The following PRR16 variants were observed in gnomAD, a reference collection of about 807,000 sequenced individuals.
PRR16 encodes the protein proline rich 16.
A neutral mutation model predicts 18.2 loss-of-function variants in PRR16; 6 were observed. The observed-to-expected ratio is 0.33, with a 90% confidence interval of 0.18 to 0.65. The LOEUF (loss-of-function observed/expected upper bound fraction) is 0.65. PRR16 is among the 30% of genes least tolerant of loss of function. The probability of loss-of-function intolerance (pLI) is 0.74; values close to 1 mark genes in which losing one functional copy is unlikely to be tolerated. For synonymous variants in PRR16, 151 were observed against 147.8 expected (o/e 1.02, Z -0.16); for missense variants, 412 against 376.6 (o/e 1.09, Z -0.78).
At chr5:120,504,317 G>A (rs1046311521) in intron 1 of PRR16, among the ~76,000 whole-genome samples, 9 of 152,098 alleles carry the variant, frequency 5.9e-5, no homozygotes, top group South Asian at 4.1e-4. Context: ...CAACACACTC[G>A]AATCAGTAGT....
intron 1 of PRR16, among the ~76,000 whole-genome samples, chr5:120,501,699 A>G (rs886406470): frequency 1.3e-5 from 2 of 152,070 alleles, no homozygotes; most frequent in Admixed American, 1.3e-4. Flanking sequence ...AGAAATGGCC[A>G]GTATATCAGC....
chr5:120,616,772 G>C (rs114983743), intron 1 of PRR16, among the ~76,000 whole-genome samples: 1 of 152,256 alleles, frequency 6.6e-6, no homozygotes, highest in East Asian at 1.9e-4. Flanking sequence ...AGCATCCAGT[G>C]ATTTGCTATG....
intron 1 of PRR16, 29 bp from the exon 2 acceptor site, chr5:120,685,925 C>A: frequency 6.3e-7 from 1 of 1,580,204 alleles, no homozygotes; most frequent in South Asian, 1.2e-5. Flanking sequence ...GGTCATTCTT[C>A]AAAACAATTA....
At chr5:120,497,452 G>A (rs1252912557) in intron 1 of PRR16, among the ~76,000 whole-genome samples, 9 of 142,524 alleles carry the variant, frequency 6.3e-5, no homozygotes, top group African/African-American at 1.1e-4. Flanking sequence ...GTGCAATGGC[G>A]TGATCTTGGT....
downstream of PRR16, among the ~76,000 whole-genome samples, chr5:120,690,937 C>T (rs985379259): frequency 2.0e-5 from 3 of 151,884 alleles, no homozygotes; most frequent in East Asian, 1.9e-4. Flanking sequence ...ACGGTTAAAT[C>T]GACATGGGGT....
intron 1 of PRR16, among the ~76,000 whole-genome samples, chr5:120,629,183 T>C (rs1051981182): frequency 7.2e-5 from 11 of 152,196 alleles, no homozygotes; most frequent in Admixed American, 7.2e-4. Context: ...GGCCTCCAGC[T>C]CCATCCTTTG....
the PRR16 span, among the ~76,000 whole-genome samples, chr5:120,780,791 C>T: frequency 6.6e-6 from 1 of 152,184 alleles, no homozygotes; most frequent in Non-Finnish European, 1.5e-5. Flanking sequence ...GGGCTCAAGC[C>T]TGTAATCCCG....
At chr5:120,581,532 G>A (rs1753272750) in intron 1 of PRR16, among the ~76,000 whole-genome samples, 1 of 151,832 alleles carries the variant, frequency 6.6e-6, no homozygotes, top group South Asian at 2.1e-4. Flanking sequence ...ATTCTTCTCT[G>A]ATCTTAGTTA....
At chr5:120,670,530 G>A (rs1451583666) in intron 1 of PRR16, among the ~76,000 whole-genome samples, 2 of 152,050 alleles carry the variant, frequency 1.3e-5, no homozygotes, top group Admixed American at 6.6e-5. Flanking sequence ...TATTCTACAA[G>A]AATTTCAAAT....
At chr5:120,694,980 T>A in the PRR16 span, among the ~76,000 whole-genome samples, 5 of 152,324 alleles carry the variant, frequency 3.3e-5, no homozygotes, top group East Asian at 9.6e-4. Flanking sequence ...AAGTTTGTGA[T>A]ATATTTGAAT....
chr5:120,644,634 A>G (rs1755532283), intron 1 of PRR16, among the ~76,000 whole-genome samples: 1 of 152,150 alleles, frequency 6.6e-6, no homozygotes, highest in Admixed American at 6.6e-5. Flanking sequence ...ATATTTCATA[A>G]TCTTTTTTGA....
rs540438789 is a variant in PRR16, at chr5:120,539,832, A to T, written c.159+75187A>T. On this transcript the variant is annotated intron_variant, in intron 1 of 1. Transcript: ENST00000407149. ...TTGTGAAAAACACTGTATGAATATTAGGTTTTTTTTTCTTTTTTTTGGATG... is the reference window on the plus strand; with the variant it reads ...TTGTGAAAAACACTGTATGAATATTTGGTTTTTTTTTCTTTTTTTTGGATG... Among the ~76,000 whole-genome samples the T allele has an allele frequency of 2.9e-3, 447 of 151,720 alleles. 1 individual carries two copies. The highest frequency in any genetic ancestry group is 0.01 in the African/African-American group (421 of 41,072).
the PRR16 span, among the ~76,000 whole-genome samples, chr5:120,702,775 A>G: frequency 4.6e-5 from 7 of 152,242 alleles, no homozygotes; most frequent in South Asian, 1.0e-3. Context: ...AGGGACAGTG[A>G]GAGAGGTTGG....
At chr5:120,734,354 T>C in the PRR16 span, among the ~76,000 whole-genome samples, 2 of 152,296 alleles carry the variant, frequency 1.3e-5, no homozygotes, top group Admixed American at 6.5e-5. Flanking sequence ...TGTGTGTATG[T>C]GTGTGTGTAA....
At chr5:120,511,042 T>G (rs1314124507) in intron 1 of PRR16, among the ~76,000 whole-genome samples, 4 of 152,138 alleles carry the variant, frequency 2.6e-5, no homozygotes, top group Non-Finnish European at 4.4e-5. Context: ...ATCTGTCTCT[T>G]AGGGCTCCAT....
rs1024211038 is a variant in PRR16, at chr5:120,659,716, T to A, written c.160-26238T>A. Among the ~76,000 whole-genome samples, 4 of 152,048 alleles carry A rather than the reference T, an allele frequency of 2.6e-5. No individual in the cohort carries two copies. In the East Asian group the frequency reaches 5.8e-4, roughly 22 times the overall value. On this transcript the variant is annotated intron_variant, in intron 1 of 1. Coordinates refer to ENST00000407149, the MANE Select transcript of PRR16 (RefSeq NM_001300783.2). Reference sequence around the variant, plus strand: ...TCCTTGAGAACATGAGGTTTGAAACTATCTTGTCTCTTGTATTTATACTTG... The same window carrying A: ...TCCTTGAGAACATGAGGTTTGAAACAATCTTGTCTCTTGTATTTATACTTG...
At chr5:120,571,657 A>G (rs1426387695) in intron 1 of PRR16, among the ~76,000 whole-genome samples, 2 of 152,154 alleles carry the variant, frequency 1.3e-5, no homozygotes, top group Non-Finnish European at 2.9e-5. Flanking sequence ...TAAGTTATCT[A>G]AGAGAGGCAT....
At chr5:120,628,006 C>A (rs1484011393) in intron 1 of PRR16, among the ~76,000 whole-genome samples, 1 of 152,032 alleles carries the variant, frequency 6.6e-6, no homozygotes, top group Non-Finnish European at 1.5e-5. Flanking sequence ...GTTGTCCTTA[C>A]TCTGGTGAAT....
At chr5:120,508,203 G>A (rs1232016664) in intron 1 of PRR16, among the ~76,000 whole-genome samples, 1 of 152,008 alleles carries the variant, frequency 6.6e-6, no homozygotes, top group African/African-American at 2.4e-5. Context: ...TATCATGCAA[G>A]GAGACAAAAC....
Sources: gnomAD v4.1 joint callset for allele counts (sites outside exome capture counted in the v4.1 genomes callset) on GRCh38, gnomAD v4.1.1 for gene constraint, MANE v1.5 for transcripts, NCBI Gene and HGNC (gene_info 2026-07-23, HGNC 2026-07-21) for gene names.